The following SLC25A32 variants were observed in gnomAD, a reference collection of about 807,000 sequenced individuals.
SLC25A32 encodes solute carrier family 25 member 32.
Under a neutral mutation model 39.0 loss-of-function variants are expected in SLC25A32, and 32 were observed. The ratio of observed to expected loss-of-function variants is 0.82; its 90% CI spans 0.62 to 1.10. The LOEUF (loss-of-function observed/expected upper bound fraction) is 1.10, where lower values mean the gene tolerates loss of function less well. SLC25A32 is among the 50% of genes least tolerant of loss of function. The pLI, the probability that SLC25A32 is intolerant of heterozygous loss-of-function variation, is 0.00. For synonymous variants in SLC25A32, 166 were observed against 152.4 expected, an observed-to-expected ratio of 1.09 and a Z score of -0.66; for missense variants, 367 against 395.3, an observed-to-expected ratio of 0.93 and a Z score of 0.61.
chr8:103,411,717 A>C (rs1199891271), intron 1 of SLC25A32, among the ~76,000 whole-genome samples: 3 of 152,164 alleles, frequency 2.0e-5, no homozygotes, highest in African/African-American at 7.2e-5. Context: ...GTGGTGTCTC[A>C]ACCATTAAGT....
Position 103,400,519 on chromosome 8 carries a change from C to T in SLC25A32, c.840G>A (p.Lys280=). The T allele has an allele frequency of 6.2e-7, 1 of 1,614,058 alleles. No individual in the cohort carries two copies. The highest frequency in any genetic ancestry group is 1.6e-4 in the Middle Eastern group (1 of 6,062). Residue 280 remains lysine, a synonymous_variant, in exon 7 of 7, where the codon AAG becomes AAA. Transcript: ENST00000297578. The part of the protein sequence containing the change: ...WRKEGVGGFY[K]GIAPNLIRVT... ...CTCTAATCAAATTAGGAGCAATTCCCTTGTAAAATCCACCGACGCCTTCTT... is the reference window on the plus strand; with the variant it reads ...CTCTAATCAAATTAGGAGCAATTCCTTTGTAAAATCCACCGACGCCTTCTT...
intron 6 of SLC25A32, among the ~76,000 whole-genome samples, chr8:103,401,104 A>G (rs1366330164): frequency 3.9e-5 from 6 of 152,334 alleles, no homozygotes. Flanking sequence ...TCTCATACTG[A>G]AGAACAAACA....
At chr8:103,410,967 TC>T in intron 1 of SLC25A32, among the ~76,000 whole-genome samples, 1 of 152,236 alleles carries the variant, frequency 6.6e-6, no homozygotes, top group South Asian at 2.1e-4. Flanking sequence ...AAAATTAATC[TC>T]CCCCCTACCT....
At chr8:103,412,475 AC>A (rs570741323) in intron 1 of SLC25A32, among the ~76,000 whole-genome samples, 151 of 152,334 alleles carry the variant, frequency 9.9e-4, no homozygotes, top group African/African-American at 3.3e-3. Context: ...TCCACCTAAT[AC>A]AAGAATATCT....
intron 1 of SLC25A32, among the ~76,000 whole-genome samples, chr8:103,410,852 T>C (rs1382394770): frequency 6.6e-6 from 1 of 152,132 alleles, no homozygotes; most frequent in Non-Finnish European, 1.5e-5. Context: ...ATAATGACTT[T>C]AAAAAAATTA....
intron 6 of SLC25A32, 65 bp downstream of exon 6, chr8:103,401,451 C>A: frequency 6.8e-7 from 1 of 1,476,660 alleles, no homozygotes; most frequent in South Asian, 1.4e-5. Context: ...CTAGTATCAA[C>A]AGGATGGTCT....
intron 2 of SLC25A32, among the ~76,000 whole-genome samples, chr8:103,406,234 G>A (rs1332570676): frequency 6.6e-6 from 1 of 151,922 alleles, no homozygotes; most frequent in Non-Finnish European, 1.5e-5. Context: ...ACAATTTTAA[G>A]GCTGAATTTT....
chr8:103,405,505 A>C (rs904817197), intron 2 of SLC25A32, among the ~76,000 whole-genome samples: 3 of 152,170 alleles, frequency 2.0e-5, no homozygotes, highest in African/African-American at 7.2e-5. Flanking sequence ...GACAGGGAAA[A>C]TTGGCCACAC....
intron 2 of SLC25A32, among the ~76,000 whole-genome samples, chr8:103,407,158 T>C (rs1411179308): frequency 3.3e-5 from 5 of 152,232 alleles, no homozygotes; most frequent in Non-Finnish European, 5.9e-5. Flanking sequence ...AAACACCTAA[T>C]AAAACACCGA....
intron 1 of SLC25A32, among the ~76,000 whole-genome samples, chr8:103,412,618 G>T (rs1420520874): frequency 1.3e-5 from 2 of 152,056 alleles, no homozygotes; most frequent in Non-Finnish European, 2.9e-5. Flanking sequence ...CTGACCTTAG[G>T]ATCAACCCAC....
chr8:103,408,982 T>C (rs967213574), intron 1 of SLC25A32, among the ~76,000 whole-genome samples: 5 of 152,162 alleles, frequency 3.3e-5, no homozygotes, highest in Admixed American at 2.0e-4. Context: ...ATAATCTAGA[T>C]TATAAATCTG....
rs753330767 is a variant in SLC25A32, at chr8:103,401,642, G to A, written c.686C>T (p.Ser229Phe). The part of the protein sequence containing the change: ...EAQLSTVEYI[S>F]VAALSKIFAV... Reference sequence around the variant, plus strand: ...AAATATTTTGGATAGTGCTGCAACAGATATATATTCTACTGTGCTCTAAAA... The same window carrying A: ...AAATATTTTGGATAGTGCTGCAACAAATATATATTCTACTGTGCTCTAAAA... Residue 229 changes from serine to phenylalanine, a missense_variant, in exon 6 of 7, where the codon TCT becomes TTT. Coordinates refer to ENST00000297578, the MANE Select transcript of SLC25A32 (RefSeq NM_030780.5). The A allele has an allele frequency of 5.8e-5, 94 of 1,611,632 alleles. No homozygotes were observed. Among genetic ancestry groups the A allele is most frequent in the African/African-American group, 2.7e-5 (2 of 74,840 alleles).
At chr8:103,414,648 T>C (rs1447242129) in intron 1 of SLC25A32, 136 bp downstream of exon 1, 2 of 1,264,796 alleles carry the variant, frequency 1.6e-6, no homozygotes, top group Admixed American at 2.4e-5. Flanking sequence ...TTTCCTCAAA[T>C]CTAGTTCAGG....
intron 1 of SLC25A32, among the ~76,000 whole-genome samples, chr8:103,413,653 T>C (rs1816517017): frequency 1.3e-5 from 2 of 152,242 alleles, no homozygotes; most frequent in Admixed American, 6.5e-5. Context: ...TGTGCATGCA[T>C]CATAAAACTT....
At chr8:103,410,138 C>T (rs752420405) in intron 1 of SLC25A32, among the ~76,000 whole-genome samples, 8 of 152,178 alleles carry the variant, frequency 5.3e-5, no homozygotes, top group Admixed American at 4.6e-4. Context: ...AAAAGCAAAA[C>T]CAACCATAAA....
chr8:103,401,368 C>T (rs1816214252), intron 6 of SLC25A32, 148 bp downstream of exon 6: 3 of 607,260 alleles, frequency 4.9e-6, no homozygotes, highest in Non-Finnish European at 8.3e-6. Context: ...GCCATGGTCA[C>T]ATACGTAATA....
intron 2 of SLC25A32, 95 bp downstream of exon 2, chr8:103,407,539 G>T: frequency 2.0e-6 from 2 of 1,025,272 alleles, no homozygotes; most frequent in Non-Finnish European, 2.8e-6. Flanking sequence ...CTGATTAAAT[G>T]ACTCAACTTA....
rs183114543 is a variant in SLC25A32, at chr8:103,412,624, C to A, written c.154+2160G>T. On this transcript the variant is annotated intron_variant, in intron 1 of 6. Transcript: ENST00000297578. ...AACCTGTGTCTGACCTTAGGATCAA[C>A]CCACAATAAGGCAGCCCCCTTTCCC... 3.2e-4 allele frequency among the ~76,000 whole-genome samples: 48 copies of A among 152,332 alleles called. 1 individual carries two copies. The highest frequency in any genetic ancestry group is 3.1e-3 in the Admixed American group (48 of 15,300).
Position 103,403,145 on chromosome 8 carries a change from T to C in SLC25A32, c.552+19A>G, listed in dbSNP as rs1243035815. On this transcript the variant is annotated intron_variant, in intron 4 of 6. Coordinates refer to ENST00000297578, the MANE Select transcript of SLC25A32 (RefSeq NM_030780.5). ...ATTCAAATTTTTCAGTTATTTAAAATATATTGATAATTTGTTACCTTATAT... is the reference window on the plus strand; with the variant it reads ...ATTCAAATTTTTCAGTTATTTAAAACATATTGATAATTTGTTACCTTATAT... The C allele has an allele frequency of 4.6e-6, 7 of 1,518,714 alleles. No homozygotes were observed. Among genetic ancestry groups the C allele is most frequent in the African/African-American group, 1.4e-5 (1 of 71,992 alleles). 94.1% of individuals were successfully genotyped at this position (1,518,714 alleles called of 1,614,324 possible). A position where few individuals can be genotyped will look rare whatever the true frequency, so the allele number is the denominator to read the frequency against.
Sources: allele counts gnomAD v4.1 joint callset (sites outside exome capture counted in the v4.1 genomes callset), GRCh38; gene constraint gnomAD v4.1.1; transcripts MANE v1.5; gene names NCBI Gene and HGNC (gene_info 2026-07-23, HGNC 2026-07-21).